SDK1: variants seen among roughly 807,000 people sequenced by gnomAD.
The protein encoded by SDK1 is protein sidekick-1.
In SDK1, 157 loss-of-function variants were observed where a neutral mutation model predicts 245.5. The ratio of observed to expected loss-of-function variants is 0.64; its 90% CI spans 0.56 to 0.73. The LOEUF (loss-of-function observed/expected upper bound fraction) is 0.73. Among genes scored for constraint, SDK1 ranks in the 30% least tolerant of loss-of-function variants. The pLI is 0.00. For missense variants in SDK1, 3,583 were observed against 3,002.3 expected (o/e 1.19, Z -4.52); for synonymous variants, 1,647 against 1,278.5 (o/e 1.29, Z -6.15).
At chr7:3,583,053 G>C (rs1583193728) in intron 1 of SDK1, among the ~76,000 whole-genome samples, 2 of 152,320 alleles carry the variant, frequency 1.3e-5, no homozygotes, top group East Asian at 1.9e-4. Context: ...GCAGAGGGCA[G>C]GGGTAGGGAT....
At chr7:3,354,287 A>C (rs577585626) in intron 1 of SDK1, among the ~76,000 whole-genome samples, 2 of 151,894 alleles carry the variant, frequency 1.3e-5, no homozygotes, top group African/African-American at 4.8e-5. Flanking sequence ...GCCTGGCCTG[A>C]CCATTTTTCA....
intron 1 of SDK1, among the ~76,000 whole-genome samples, chr7:3,561,602 G>A (rs1469736760): frequency 6.6e-6 from 1 of 152,138 alleles, no homozygotes. Context: ...CATGGTAAAT[G>A]CTCAGTAAAT....
Position 4,220,184 on chromosome 7 carries a change from G to C in SDK1, c.5615G>C (p.Gly1872Ala). 6.2e-7 allele frequency: 1 copy of C among 1,614,096 alleles called. No individual in the cohort carries two copies. The highest frequency in any genetic ancestry group is 8.5e-7 in the Non-Finnish European group (1 of 1,180,028). ...CTGAAGGTGCGGGACCTCACCAAGG[G>C]AGTGACCTATTTCTTCCGTGTCCAA... ...RWLKVRDLTK[G>A]VTYFFRVQAR... The change falls in exon 39 of 45, where the codon GGA (glycine) becomes GCA (alanine). Residue 1872 changes from glycine (G) to alanine (A), a missense_variant. Gly to Ala is a moderately conservative substitution (Grantham distance 60). Transcript: ENST00000404826.
At chr7:3,479,219 C>G (rs548926218) in intron 1 of SDK1, among the ~76,000 whole-genome samples, 173 of 151,910 alleles carry the variant, frequency 1.1e-3, no homozygotes, top group Non-Finnish European at 2.2e-3. Context: ...GTCAGGAGTT[C>G]GAGACCATCC....
intron 35 of SDK1, among the ~76,000 whole-genome samples, chr7:4,199,455 G>A (rs1210926263): frequency 1.3e-5 from 2 of 152,202 alleles, no homozygotes; most frequent in Admixed American, 6.5e-5. Flanking sequence ...ATTACTGGAC[G>A]AAATCAAACG....
At chr7:3,637,067 G>C (rs1454161503) in intron 2 of SDK1, among the ~76,000 whole-genome samples, 1 of 151,092 alleles carries the variant, frequency 6.6e-6, no homozygotes, top group Non-Finnish European at 1.5e-5. Flanking sequence ...GAGAGAGAGA[G>C]AGAGAGAGTG....
intron 41 of SDK1, 49 bp downstream of exon 41, chr7:4,233,468 A>G (rs1180607846): frequency 6.4e-7 from 1 of 1,569,868 alleles, no homozygotes; most frequent in East Asian, 2.3e-5. Flanking sequence ...CTAGAGGGAG[A>G]AATGGGGTCG....
Position 4,139,671 on chromosome 7 carries a change from G to A in SDK1, c.4229-6051G>A, listed in dbSNP as rs1779415257. Reference sequence around the variant, plus strand: ...TATATGTGTGTGTGTATATGTGTGTGTGTATATGTGTGTGTGTGTATGTGT... The same window carrying A: ...TATATGTGTGTGTGTATATGTGTGTATGTATATGTGTGTGTGTGTATGTGT... On this transcript the variant is annotated intron_variant, in intron 28 of 44. Transcript: ENST00000404826. 5.3e-5 allele frequency among the ~76,000 whole-genome samples: 2 copies of A among 37,692 alleles called. 1 individual carries two copies. Among genetic ancestry groups the A allele is most frequent in the South Asian group, 1.6e-3 (2 of 1,240 alleles). 24.7% of individuals were successfully genotyped at this position (37,692 alleles called of 152,430 possible).
intron 4 of SDK1, among the ~76,000 whole-genome samples, chr7:3,690,871 G>A (rs1324034356): frequency 2.0e-5 from 3 of 152,108 alleles, no homozygotes; most frequent in Admixed American, 6.5e-5. Flanking sequence ...ATAATAGACA[G>A]TCTCAAAACA....
chr7:3,782,635 G>C (rs1780780158), intron 4 of SDK1, among the ~76,000 whole-genome samples: 3 of 152,200 alleles, frequency 2.0e-5, no homozygotes, highest in Admixed American at 2.0e-4. Flanking sequence ...CAGAAGCCAT[G>C]CAGACACTGA....
intron 9 of SDK1, among the ~76,000 whole-genome samples, chr7:3,966,595 C>G (rs1028494877): frequency 1.2e-4 from 18 of 152,092 alleles, no homozygotes; most frequent in African/African-American, 4.3e-4. Context: ...TCTTTGAAAC[C>G]TGGTTATTTT....
chr7:3,359,309 T>C (rs1780890435), intron 1 of SDK1, among the ~76,000 whole-genome samples: 1 of 152,182 alleles, frequency 6.6e-6, no homozygotes, highest in Non-Finnish European at 1.5e-5. Flanking sequence ...ATCTGGGTCC[T>C]GGAATGGTAG....
chr7:3,538,231 G>A (rs931346532), intron 1 of SDK1, among the ~76,000 whole-genome samples: 1 of 152,150 alleles, frequency 6.6e-6, no homozygotes, highest in African/African-American at 2.4e-5. Context: ...TGCCAACTGC[G>A]GCTTTGGGCC....
chr7:3,341,618 G>C (rs1780350839), intron 1 of SDK1, among the ~76,000 whole-genome samples: 1 of 151,976 alleles, frequency 6.6e-6, no homozygotes, highest in Non-Finnish European at 1.5e-5. Flanking sequence ...GCTGCATACA[G>C]GATCAACACA....
intron 2 of SDK1, among the ~76,000 whole-genome samples, chr7:3,631,755 A>T (rs1435094510): frequency 6.6e-6 from 1 of 152,170 alleles, no homozygotes; most frequent in Non-Finnish European, 1.5e-5. Context: ...TTGGATTTAG[A>T]TAATTATTGG....
chr7:3,624,467 G>A (rs1311836884), intron 2 of SDK1, among the ~76,000 whole-genome samples: 2 of 151,982 alleles, frequency 1.3e-5, no homozygotes, highest in African/African-American at 2.4e-5. Flanking sequence ...CCAAAGTACT[G>A]GGATTACAGG....
At chr7:3,893,841 T>G (rs1177151096) in intron 5 of SDK1, among the ~76,000 whole-genome samples, 2 of 152,086 alleles carry the variant, frequency 1.3e-5, no homozygotes, top group East Asian at 3.9e-4. Flanking sequence ...TATCTGACCC[T>G]GGCTCCTGGG....
chr7:3,694,564 G>T (rs924979803), intron 4 of SDK1, among the ~76,000 whole-genome samples: 4 of 96,646 alleles, frequency 4.1e-5, no homozygotes, highest in Non-Finnish European at 8.9e-5. Flanking sequence ...TGGAAAGAAT[G>T]TATTTATGTT....
intron 33 of SDK1, among the ~76,000 whole-genome samples, chr7:4,174,606 G>A (rs901978936): frequency 6.6e-6 from 1 of 152,172 alleles, no homozygotes; most frequent in Non-Finnish European, 1.5e-5. Context: ...GGGGAGAGCA[G>A]TTGCCAGGCC....
Sources: gnomAD v4.1 joint callset for allele counts (sites outside exome capture counted in the v4.1 genomes callset) on GRCh38, gnomAD v4.1.1 for gene constraint, MANE v1.5 for transcripts, NCBI Gene and HGNC (gene_info 2026-07-23, HGNC 2026-07-21) for gene names.